Variants in CD2BP2 observed in about 807,000 individuals in gnomAD.
CD2BP2 encodes the protein CD2 antigen cytoplasmic tail-binding protein 2.
CD2BP2 carries 27 observed loss-of-function variants against 35.9 expected under a neutral mutation model. The ratio of observed to expected loss-of-function variants is 0.75; its 90% confidence interval spans 0.55 to 1.04. The LOEUF is 1.04. Ranked by LOEUF, CD2BP2 falls within the 50% of genes least tolerant of loss-of-function variation. The pLI is 0.00. For missense variants in CD2BP2, 497 were observed against 444.3 expected (o/e 1.12, Z -1.07); for synonymous variants, 213 against 173.5 (o/e 1.23, Z -1.79).
chr16:30,353,975 A>C lies in CD2BP2; in HGVS notation c.301T>G (p.Phe101Val). ...NLQEEMEEGH[F>V]DADGNYFLNR... ...AGGAAGTAGTTGCCATCGGCATCAA[A>C]GTGGCCTTCCTCCATCTCCTCCTGC... Residue 101 changes from phenylalanine to valine, a missense_variant, in exon 4 of 7, where the codon TTT becomes GTT. Physicochemically the swap from Phe to Val is conservative, Grantham distance 50. Transcript: ENST00000305596. 1 of 1,614,176 alleles carries C rather than the reference A, an allele frequency of 6.2e-7. No homozygotes were observed. Among genetic ancestry groups the C allele is most frequent in the Non-Finnish European group, 8.5e-7 (1 of 1,180,018 alleles).
At position 30,351,695 on chromosome 16, in the gene CD2BP2, C is replaced by T. The variant is rs1185759417; in HGVS notation, c.*1290G>A. On this transcript the variant is annotated 3_prime_UTR_variant, in exon 7 of 7. Transcript: ENST00000305596. ...AGACCCCCATAACTAACAGACCCCA[C>T]TAAAGCCACACACATGCTCAGCTCT... 1.3e-5 allele frequency: 2 copies of T among 152,548 alleles called. No individual in the cohort carries two copies. Among genetic ancestry groups the T allele is most frequent in the African/African-American group, 4.8e-5 (2 of 41,434 alleles). 9.4% of individuals were successfully genotyped at this position (152,548 alleles called of 1,614,324 possible).
In CD2BP2 at chr16:30,352,378, G is replaced by A. The variant is rs1417012928; in HGVS notation, c.*607C>T. 1 of 153,836 alleles carries A rather than the reference G, an allele frequency of 6.5e-6. No individual in the cohort carries two copies. The highest frequency in any genetic ancestry group is 1.4e-5 in the Non-Finnish European group (1 of 69,174). The allele number at this position is 153,836 out of a possible 1,614,324, so 9.5% of individuals were successfully genotyped here. A position where few individuals can be genotyped will look rare whatever the true frequency, so the allele number is the denominator to read the frequency against. On this transcript the variant is annotated 3_prime_UTR_variant, in exon 7 of 7. Transcript: ENST00000305596. ...GGAACGACGGCAAGGATAGAGGAAAGCCAGATTAGGGAAGACACTGGCTCT... is the reference window on the plus strand; with the variant it reads ...GGAACGACGGCAAGGATAGAGGAAAACCAGATTAGGGAAGACACTGGCTCT...
chr16:30,354,978 C>G (rs184442548), intron 1 of CD2BP2: 1 of 369,140 alleles, frequency 2.7e-6, no homozygotes, highest in Non-Finnish European at 5.0e-6. Flanking sequence ...TGACCGCCCC[C>G]AACTCCAGCC....
chr16:30,354,888 C>A (rs2049522586), intron 1 of CD2BP2, 181 bp from the exon 2 acceptor site: 2 of 584,826 alleles, frequency 3.4e-6, no homozygotes, highest in Non-Finnish European at 6.1e-6. Flanking sequence ...CTAGCATCCG[C>A]GAGTTAAACG....
At position 30,353,612 on chromosome 16, in the gene CD2BP2, CT is replaced by C. The variant is rs1400028542; in HGVS notation, c.563del (p.Lys188ArgfsTer42). ...LGARGGGKGR[K>X]GPGQPSSPQR... is the part of the protein sequence containing the mutation. ...GAGGGGAACTGGGTTGCCCAGGCCC[CT>C]TTCTCCCTTTGCCTCCTCCTCGGGC... On this transcript the variant is annotated frameshift_variant, in exon 5 of 7. Transcript: ENST00000305596. LOFTEE classifies it high-confidence loss of function. 1 of 1,613,782 alleles carries C rather than the reference CT, an allele frequency of 6.2e-7. No homozygotes were observed. Among genetic ancestry groups the C allele is most frequent in the Non-Finnish European group, 8.5e-7 (1 of 1,179,898 alleles).
rs2049495005 is a variant in CD2BP2, at chr16:30,352,991, G to A, written c.1020C>T (p.Tyr340=). 2.5e-6 allele frequency: 4 copies of A among 1,608,054 alleles called. No individual in the cohort carries two copies. Among genetic ancestry groups the A allele is most frequent in the African/African-American group, 1.3e-5 (1 of 74,794 alleles). Residue 340 remains tyrosine (Y), a synonymous_variant, in exon 7 of 7, where the codon TAC becomes TAT. Transcript: ENST00000305596. ...AACTGGGCCCCCAGCAGGCTCAGGT[G>A]TAGAGGTCAAAGTCAATGCGTTTGG... The part of the protein sequence containing the change: ...YNSKRIDFDL[Y]T
chr16:30,353,380 T>A lies in CD2BP2; in HGVS notation c.796A>T (p.Thr266Ser). 3 of 1,613,958 alleles carry A rather than the reference T, an allele frequency of 1.9e-6. No individual in the cohort carries two copies. In the South Asian group the frequency reaches 3.3e-5, roughly 18 times the overall value. ...CCTCCAAGCTCACCTCCTCTCTGGG[T>A]AGGGGTTGGGGTCTCCAGTTCCTCC... ...AEEELETPTP[T>S]QRGEAESRGD... The change falls in exon 5 of 7, where the codon ACC (threonine) becomes TCC (serine). Residue 266 changes from threonine to serine, a missense_variant. Thr to Ser is a moderately conservative substitution (Grantham distance 58). Transcript: ENST00000305596.
At chr16:30,354,966 C>T in intron 1 of CD2BP2, 1 of 400,490 alleles carries the variant, frequency 2.5e-6, no homozygotes, top group Non-Finnish European at 4.6e-6. Context: ...GGCTTCACCA[C>T]GTGACCGCCC....
rs1278007549 is a variant in CD2BP2, at chr16:30,352,107, GT to G, written c.*877del. 6.6e-6 allele frequency: 1 copy of G among 152,512 alleles called. No individual in the cohort carries two copies. Among genetic ancestry groups the G allele is most frequent in the East Asian group, 1.9e-4 (1 of 5,208 alleles). The allele number at this position is 152,512 out of a possible 1,614,324, so 9.4% of individuals were successfully genotyped here. On this transcript the variant is annotated 3_prime_UTR_variant, in exon 7 of 7. Transcript: ENST00000305596. ...GAAGGGGACCAACCCAGCTACCTCA[GT>G]TTCCTCAAGGCACTAGCCCTGTGCC... is the stretch of plus-strand genomic sequence containing the variant.
chr16:30,353,167 AG>A lies in CD2BP2; in HGVS notation c.915+13del. On this transcript the variant is annotated intron_variant, in intron 6 of 6. Coordinates refer to ENST00000305596, the MANE Select transcript of CD2BP2 (RefSeq NM_006110.3). ...AAGCAGGGACAAGGCAGGAGGAGGG[AG>A]AAAGCAGCTCACCTGCATCTGGGCG... 2 of 1,610,864 alleles carry A rather than the reference AG, an allele frequency of 1.2e-6. No homozygotes were observed. The highest frequency in any genetic ancestry group is 1.7e-6 in the Non-Finnish European group (2 of 1,177,014).
chr16:30,353,299 G>A lies in CD2BP2; in HGVS notation c.809-12C>T, dbSNP rs751144941. The A allele has an allele frequency of 1.9e-6, 3 of 1,613,874 alleles. No individual in the cohort carries two copies. The highest frequency in any genetic ancestry group is 2.5e-6 in the Non-Finnish European group (3 of 1,179,766). ...CCGCGACTCTGCTTCTAAAATAACA[G>A]GCAAAGCCATTTGGCCTCCAGTGTC... On this transcript the variant is annotated splice_polypyrimidine_tract_variant and intron_variant, in intron 5 of 6. Coordinates refer to ENST00000305596, the MANE Select transcript of CD2BP2 (RefSeq NM_006110.3).
chr16:30,353,216 C>A lies in CD2BP2; in HGVS notation c.880G>T (p.Glu294Ter). The change falls in exon 6 of 7, where the codon GAG becomes TAG. Residue 294 changes from glutamate to a stop codon, truncating the protein, a stop_gained. Coordinates refer to ENST00000305596, the MANE Select transcript of CD2BP2 (RefSeq NM_006110.3). LOFTEE classifies it high-confidence loss of function. ...GCGCTGGTGAAGGGCCCATACAGCT[C>A]GGCATCCCCCGTGTTCTCCCACTTA... ...EYKWENTGDA[E>*]LYGPFTSAQM... is the part of the protein sequence containing the mutation. 3 of 1,614,136 alleles carry A rather than the reference C, an allele frequency of 1.9e-6. No homozygotes were observed. In the South Asian group the frequency reaches 3.3e-5, roughly 18 times the overall value.
Position 30,352,777 on chromosome 16 carries a change from C to A in CD2BP2, c.*208G>T, listed in dbSNP as rs1414353337. The A allele has an allele frequency of 3.4e-6, 2 of 586,208 alleles. No homozygotes were observed. The highest frequency in any genetic ancestry group is 4.6e-4 in the Middle Eastern group (1 of 2,178). 36.3% of individuals were successfully genotyped at this position (586,208 alleles called of 1,614,324 possible). ...GGATCTTCATGGGAGTACTCAGGGA[C>A]CAAGACAAGTCCAAAGGGACTGTGG... On this transcript the variant is annotated 3_prime_UTR_variant, in exon 7 of 7. Transcript: ENST00000305596.
chr16:30,353,310 T>C (rs767820233), intron 5 of CD2BP2, 23 bp from the exon 6 acceptor site: 1 of 1,613,752 alleles, frequency 6.2e-7, no homozygotes, highest in Non-Finnish European at 8.5e-7. Flanking sequence ...GCAAAGCCAT[T>C]TGGCCTCCAG....
chr16:30,354,913 G>A (rs943429936), intron 1 of CD2BP2: 15 of 545,028 alleles, frequency 2.8e-5, no homozygotes, highest in Admixed American at 1.3e-4. Context: ...GGGGACGGAG[G>A]AGCGGACCCT....
In CD2BP2 at chr16:30,352,037, ATCTG is replaced by A. The variant is rs1279873656; in HGVS notation, c.*944_*947del. The A allele has an allele frequency of 2.6e-5, 4 of 152,464 alleles. No individual in the cohort carries two copies. The highest frequency in any genetic ancestry group is 9.6e-5 in the African/African-American group (4 of 41,470). 9.4% of individuals were successfully genotyped at this position (152,464 alleles called of 1,614,324 possible). Reference sequence around the variant, plus strand: ...TGCCAGGCCCAGGCTATAGAATTACATCTGTCTATTTCCCATGCCCCTGCCACCA... The same window carrying A: ...TGCCAGGCCCAGGCTATAGAATTACATCTATTTCCCATGCCCCTGCCACCA... On this transcript the variant is annotated 3_prime_UTR_variant, in exon 7 of 7. Transcript: ENST00000305596.
At position 30,353,892 on chromosome 16, in the gene CD2BP2, G is replaced by A. The variant is rs757323999; in HGVS notation, c.375+9C>T. The A allele has an allele frequency of 1.2e-6, 2 of 1,613,598 alleles. No homozygotes were observed. The highest frequency in any genetic ancestry group is 3.3e-5 in the Admixed American group (2 of 60,022). Reference sequence around the variant, plus strand: ...CCAGGCCCCAGCCACGCCAGCCCCTGGGCCGCACCCAGTCAATGTTGTCCA... The same window carrying A: ...CCAGGCCCCAGCCACGCCAGCCCCTAGGCCGCACCCAGTCAATGTTGTCCA... On this transcript the variant is annotated intron_variant, in intron 4 of 6. Coordinates refer to ENST00000305596, the MANE Select transcript of CD2BP2 (RefSeq NM_006110.3).
chr16:30,354,064 C>G lies in CD2BP2; in HGVS notation c.218-6G>C, dbSNP rs1314909484. The G allele has an allele frequency of 2.5e-6, 4 of 1,613,858 alleles. No homozygotes were observed. The highest frequency in any genetic ancestry group is 3.4e-6 in the Non-Finnish European group (4 of 1,179,934). Reference sequence around the variant, plus strand: ...GAGTGTGGCTGCCTCCTGACCTGCACCAAAGACACAGGTGCCCTTTTCCAG... The same window carrying G: ...GAGTGTGGCTGCCTCCTGACCTGCAGCAAAGACACAGGTGCCCTTTTCCAG... On this transcript the variant is annotated splice_region_variant and splice_polypyrimidine_tract_variant and intron_variant, in intron 3 of 6. Transcript: ENST00000305596.
At chr16:30,354,514 C>T (rs2049517030) in intron 2 of CD2BP2, 90 bp downstream of exon 2, 2 of 1,478,264 alleles carry the variant, frequency 1.4e-6, no homozygotes, top group Admixed American at 1.7e-5. Context: ...TTTTCTCTGC[C>T]TGCCCGCCCC....
Sources: gnomAD v4.1 joint callset for allele counts on GRCh38, gnomAD v4.1.1 for gene constraint, MANE v1.5 for transcripts, NCBI Gene and HGNC (gene_info 2026-07-23, HGNC 2026-07-21) for gene names.